The following SNTG1 variants were observed in gnomAD, a reference collection of about 807,000 sequenced individuals.
The protein encoded by SNTG1 is syntrophin gamma 1.
Under a neutral mutation model 74.7 loss-of-function variants are expected in SNTG1, and 39 were observed. The ratio of observed to expected loss-of-function variants is 0.52; its 90% CI spans 0.40 to 0.68. The LOEUF is 0.68. Ranked by LOEUF, SNTG1 falls within the 30% of genes least tolerant of loss-of-function variation. The pLI, the probability that SNTG1 is intolerant of heterozygous loss-of-function variation, is 0.00. For missense variants in SNTG1, 685 were observed against 609.5 expected, an observed-to-expected ratio of 1.12 and a Z score of -1.30; for synonymous variants, 254 against 217.1, an observed-to-expected ratio of 1.17 and a Z score of -1.49.
intron 13 of SNTG1, among the ~76,000 whole-genome samples, chr8:50,649,747 C>T (rs1205716309): frequency 2.0e-5 from 3 of 152,120 alleles, no homozygotes; most frequent in African/African-American, 7.2e-5. Flanking sequence ...CACTTTTCTA[C>T]TGGCTCGTCT....
chr8:50,469,603 C>T (rs2093635759), intron 8 of SNTG1, among the ~76,000 whole-genome samples: 1 of 152,164 alleles, frequency 6.6e-6, no homozygotes, highest in South Asian at 2.1e-4. Context: ...ACCTTAAGGC[C>T]TTTGTCCTTG....
At chr8:49,989,525 CAATA>C (rs1813482950) in intron 1 of SNTG1, among the ~76,000 whole-genome samples, 2 of 151,810 alleles carry the variant, frequency 1.3e-5, no homozygotes, top group Admixed American at 6.6e-5. Flanking sequence ...ACCAAACATG[CAATA>C]AATAGTCAAT....
intron 1 of SNTG1, among the ~76,000 whole-genome samples, chr8:49,969,385 A>ATATTTTTTTTTTTTTTT (rs1811434626): frequency 8.6e-6 from 1 of 116,628 alleles, no homozygotes. Context: ...AATTCATTTA[A>ATATTTTTTTTTTTTTTT]TCTTTTTTTT....
intron 1 of SNTG1, among the ~76,000 whole-genome samples, chr8:50,093,818 A>G (rs2079831841): frequency 6.6e-6 from 1 of 152,168 alleles, no homozygotes; most frequent in African/African-American, 2.4e-5. Context: ...GCAAGATTAA[A>G]CCATAAAGAG....
At chr8:50,327,533 T>C (rs1230779765) in intron 2 of SNTG1, among the ~76,000 whole-genome samples, 1 of 152,180 alleles carries the variant, frequency 6.6e-6, no homozygotes, top group Admixed American at 6.5e-5. Context: ...CCTCTTACTT[T>C]GAATTGTGTG....
intron 13 of SNTG1, among the ~76,000 whole-genome samples, chr8:50,639,320 C>T (rs1447510895): frequency 1.3e-5 from 2 of 151,522 alleles, no homozygotes; most frequent in Non-Finnish European, 2.9e-5. Context: ...GTGACTAATG[C>T]CTCACTATGT....
chr8:50,636,444 A>G (rs2095039836), intron 13 of SNTG1, among the ~76,000 whole-genome samples: 1 of 152,058 alleles, frequency 6.6e-6, no homozygotes, highest in Non-Finnish European at 1.5e-5. Flanking sequence ...AAGCTTGCCA[A>G]AACTCAATTT....
At chr8:50,528,293 T>C (rs2094238570) in intron 9 of SNTG1, among the ~76,000 whole-genome samples, 1 of 152,000 alleles carries the variant, frequency 6.6e-6, no homozygotes, top group Non-Finnish European at 1.5e-5. Flanking sequence ...ATGTTCTTTA[T>C]CAGATAGAGG....
At chr8:50,715,462 G>T (rs951654935) in intron 17 of SNTG1, among the ~76,000 whole-genome samples, 5 of 152,172 alleles carry the variant, frequency 3.3e-5, no homozygotes, top group Admixed American at 6.5e-5. Context: ...TTAAGAGCCA[G>T]TACTGACACA....
intron 4 of SNTG1, among the ~76,000 whole-genome samples, chr8:50,404,928 A>C (rs971536296): frequency 6.6e-6 from 1 of 152,086 alleles, no homozygotes; most frequent in African/African-American, 2.4e-5. Context: ...TGGATGACTT[A>C]TTTCAATTAT....
intron 1 of SNTG1, among the ~76,000 whole-genome samples, chr8:50,139,220 A>C (rs2081579009): frequency 6.6e-6 from 1 of 152,202 alleles, no homozygotes; most frequent in Non-Finnish European, 1.5e-5. Flanking sequence ...TTATGTTATC[A>C]ACATTTTAAA....
intron 2 of SNTG1, among the ~76,000 whole-genome samples, chr8:50,214,595 A>G (rs558434767): frequency 4.6e-5 from 7 of 152,040 alleles, no homozygotes; most frequent in Non-Finnish European, 8.8e-5. Flanking sequence ...AAGAAAATAC[A>G]TTTCGTGCAC....
intron 13 of SNTG1, among the ~76,000 whole-genome samples, chr8:50,631,194 A>G (rs1374869536): frequency 2.0e-5 from 3 of 152,242 alleles, no homozygotes; most frequent in East Asian, 3.8e-4. Flanking sequence ...GTAGAAGTGA[A>G]GGCAAATATT....
intron 2 of SNTG1, among the ~76,000 whole-genome samples, chr8:50,337,332 A>T (rs2091174312): frequency 6.6e-6 from 1 of 152,184 alleles, no homozygotes; most frequent in Non-Finnish European, 1.5e-5. Context: ...TAACTGATGA[A>T]TTGGTGGTTG....
At chr8:50,752,192 A>C in intron 18 of SNTG1, 81 bp downstream of exon 18, 1 of 659,504 alleles carries the variant, frequency 1.5e-6, no homozygotes, top group South Asian at 3.9e-5. Context: ...CTTTCGGGGA[A>C]TCACAAGACC....
intron 15 of SNTG1, among the ~76,000 whole-genome samples, chr8:50,681,212 A>C (rs1345192136): frequency 6.6e-6 from 1 of 152,138 alleles, no homozygotes; most frequent in African/African-American, 2.4e-5. Context: ...ATAAGATTGG[A>C]ATTATGCAGG....
At chr8:50,048,081 A>G (rs1380595314) in intron 1 of SNTG1, among the ~76,000 whole-genome samples, 1 of 152,216 alleles carries the variant, frequency 6.6e-6, no homozygotes, top group African/African-American at 2.4e-5. Flanking sequence ...CATTGTAAAT[A>G]CATTTTTTGT....
At chr8:50,614,885 A>G (rs1291815138) in intron 13 of SNTG1, among the ~76,000 whole-genome samples, 5 of 152,052 alleles carry the variant, frequency 3.3e-5, no homozygotes, top group Non-Finnish European at 5.9e-5. Flanking sequence ...CAATTATTTT[A>G]AACATTTCTG....
chr8:50,683,704 A>T (rs192422666), intron 15 of SNTG1, among the ~76,000 whole-genome samples: 1 of 152,300 alleles, frequency 6.6e-6, no homozygotes, highest in African/African-American at 2.4e-5. Context: ...CCATTCTGCT[A>T]CTTTATGGCT....
Sources: allele counts gnomAD v4.1 joint callset (sites outside exome capture counted in the v4.1 genomes callset), GRCh38; gene constraint gnomAD v4.1.1; transcripts MANE v1.5; gene names NCBI Gene and HGNC (gene_info 2026-07-23, HGNC 2026-07-21).